RALYL: variants seen among roughly 807,000 people sequenced by gnomAD.
RALYL encodes RALY RNA binding protein like, also known as RNA-binding Raly-like protein.
Under a neutral mutation model 35.1 loss-of-function variants are expected in RALYL, and 29 were observed. That is an observed-to-expected ratio of 0.83 (90% CI 0.61 to 1.13). The LOEUF is 1.13. Among genes scored for constraint, RALYL ranks in the 50% most tolerant of loss-of-function variants. The pLI is 0.00. For synonymous variants in RALYL, 120 were observed against 127.6 expected, an observed-to-expected ratio of 0.94 and a Z score of 0.40; for missense variants, 359 against 360.4, an observed-to-expected ratio of 1.00 and a Z score of 0.03.
At chr8:84,517,183 C>A (rs1374325129) in intron 1 of RALYL, among the ~76,000 whole-genome samples, 1 of 152,120 alleles carries the variant, frequency 6.6e-6, no homozygotes, top group African/African-American at 2.4e-5. Context: ...GGCCCCAATG[C>A]AAGCTATCAC....
chr8:84,526,559 G>C (rs190520805), intron 1 of RALYL, among the ~76,000 whole-genome samples: 2 of 152,108 alleles, frequency 1.3e-5, no homozygotes, highest in Non-Finnish European at 2.9e-5. Flanking sequence ...GCCCAGCCTC[G>C]TGAAATTATA....
At chr8:84,524,076 CTGAG>C (rs1265373519) in intron 1 of RALYL, among the ~76,000 whole-genome samples, 2 of 151,984 alleles carry the variant, frequency 1.3e-5, no homozygotes, top group African/African-American at 2.4e-5. Flanking sequence ...TTCTAGATCC[CTGAG>C]GAATCGCCAC....
At chr8:84,886,322 G>T (rs1337255966) in intron 7 of RALYL, among the ~76,000 whole-genome samples, 1 of 152,030 alleles carries the variant, frequency 6.6e-6, no homozygotes, top group East Asian at 1.9e-4. Flanking sequence ...TTATATATTA[G>T]TTATGTTTGG....
intron 2 of RALYL, among the ~76,000 whole-genome samples, chr8:84,686,440 T>A (rs1836805607): frequency 6.6e-6 from 1 of 152,198 alleles, no homozygotes; most frequent in South Asian, 2.1e-4. Flanking sequence ...GGTTCAGCTC[T>A]GTCGCCCAAC....
rs559083701 is a variant in RALYL at position 84,303,997 on chromosome 8, C to A, written c.-24+119573C>A. The stretch of plus-strand genomic sequence containing the variant: ...AAAATATAAAACTAATGGGAACTTT[C>A]CCTTTTTATTGGAATTCTACTGATA... On this transcript the variant is annotated intron_variant, in intron 1 of 8. Coordinates refer to ENST00000521268, the MANE Select transcript of RALYL (RefSeq NM_173848.7). Among the ~76,000 whole-genome samples, 64 of 151,976 alleles carry A rather than the reference C, an allele frequency of 4.2e-4. 1 individual carries two copies. Among genetic ancestry groups the A allele is most frequent in the African/African-American group, 1.5e-3 (63 of 41,492 alleles).
At chr8:84,565,127 A>G (rs1185292889) in intron 2 of RALYL, among the ~76,000 whole-genome samples, 1 of 151,558 alleles carries the variant, frequency 6.6e-6, no homozygotes, top group Non-Finnish European at 1.5e-5. Context: ...CAATGAATGG[A>G]ACAGTATTAA....
At chr8:84,597,835 C>G (rs1360745086) in intron 2 of RALYL, among the ~76,000 whole-genome samples, 2 of 152,162 alleles carry the variant, frequency 1.3e-5, no homozygotes, top group Admixed American at 1.3e-4. Context: ...CAGCAGAATT[C>G]AATAGTTGCA....
At chr8:84,838,435 T>A (rs1374390347) in intron 4 of RALYL, among the ~76,000 whole-genome samples, 3 of 152,234 alleles carry the variant, frequency 2.0e-5, no homozygotes, top group African/African-American at 7.2e-5. Flanking sequence ...TTTCTCTTTC[T>A]TGGAAATCCA....
intron 1 of RALYL, among the ~76,000 whole-genome samples, chr8:84,202,455 C>T (rs1408163271): frequency 6.6e-6 from 1 of 150,382 alleles, no homozygotes; most frequent in Non-Finnish European, 1.5e-5. Flanking sequence ...TCACTGCAAC[C>T]TCCGCCTCCC....
chr8:84,713,308 T>G (rs1264907954), intron 2 of RALYL, among the ~76,000 whole-genome samples: 1 of 152,040 alleles, frequency 6.6e-6, no homozygotes, highest in Non-Finnish European at 1.5e-5. Flanking sequence ...TAACATATTT[T>G]CAATATTAAA....
intron 2 of RALYL, among the ~76,000 whole-genome samples, chr8:84,635,285 C>T (rs1280467581): frequency 2.0e-5 from 3 of 151,754 alleles, no homozygotes; most frequent in East Asian, 1.9e-4. Flanking sequence ...GTCCAATTAT[C>T]TTCTGCTTTA....
chr8:84,449,651 G>A (rs554503731), intron 1 of RALYL, among the ~76,000 whole-genome samples: 75 of 152,064 alleles, frequency 4.9e-4, no homozygotes, highest in African/African-American at 1.8e-3. Flanking sequence ...CAGAGCCAAT[G>A]CATTTTCATA....
rs1848942440 is a variant in RALYL at position 84,342,277 on chromosome 8, A to ATATATATATATATTTATAT, written c.-24+157853_-24+157854insTATATATATATATTTATAT. 9.1e-5 allele frequency among the ~76,000 whole-genome samples: 6 copies of ATATATATATATATTTATAT among 66,114 alleles called. 1 individual carries two copies. Among genetic ancestry groups the ATATATATATATATTTATAT allele is most frequent in the African/African-American group, 4.5e-4 (6 of 13,296 alleles). 43.4% of individuals were successfully genotyped at this position (66,114 alleles called of 152,430 possible). ...TGAGTGAGGGTACAGAGCATCGTTC[A>ATATATATATATATTTATAT]ATATATATATATATATATAAAACTC... On this transcript the variant is annotated intron_variant, in intron 1 of 8. Coordinates refer to ENST00000521268, the MANE Select transcript of RALYL (RefSeq NM_173848.7).
chr8:84,817,890 A>C (rs1428281723), intron 4 of RALYL, among the ~76,000 whole-genome samples: 2 of 152,316 alleles, frequency 1.3e-5, no homozygotes, highest in East Asian at 1.9e-4. Flanking sequence ...GAATGTGATA[A>C]TACTTAGTGT....
chr8:84,585,510 A>G (rs1811793914), intron 2 of RALYL, among the ~76,000 whole-genome samples: 1 of 152,320 alleles, frequency 6.6e-6, no homozygotes, highest in Non-Finnish European at 1.5e-5. Context: ...ACGTGTATAT[A>G]CAAATATATA....
intron 8 of RALYL, among the ~76,000 whole-genome samples, chr8:84,910,292 A>T (rs1033397128): frequency 1.3e-5 from 2 of 152,088 alleles, no homozygotes; most frequent in East Asian, 3.9e-4. Flanking sequence ...TCAAATGAAA[A>T]CTGGAAATGA....
intron 2 of RALYL, among the ~76,000 whole-genome samples, chr8:84,689,302 C>G (rs1837516152): frequency 6.6e-6 from 1 of 151,992 alleles, no homozygotes; most frequent in Admixed American, 6.6e-5. Flanking sequence ...TTGTTCAATT[C>G]CCACCTATGA....
chr8:84,573,976 C>A (rs563015012), intron 2 of RALYL, among the ~76,000 whole-genome samples: 1 of 151,854 alleles, frequency 6.6e-6, no homozygotes, highest in African/African-American at 2.4e-5. Context: ...TCTTTTTCTA[C>A]TAACCTTTCT....
chr8:84,751,633 G>A (rs959867327), intron 2 of RALYL, among the ~76,000 whole-genome samples: 1 of 152,064 alleles, frequency 6.6e-6, no homozygotes, highest in Non-Finnish European at 1.5e-5. Flanking sequence ...TGGATCATGG[G>A]GGTGGATTTC....
Sources: gnomAD v4.1 joint callset for allele counts (sites outside exome capture counted in the v4.1 genomes callset) on GRCh38, gnomAD v4.1.1 for gene constraint, MANE v1.5 for transcripts, NCBI Gene and HGNC (gene_info 2026-07-23, HGNC 2026-07-21) for gene names.